EFNA5: variants seen among roughly 807,000 people sequenced by gnomAD.
EFNA5 encodes the protein ephrin-A5.
In EFNA5, 5 loss-of-function variants were observed where a neutral mutation model predicts 22.9. That is an observed-to-expected ratio of 0.22 (90% confidence interval 0.11 to 0.46). EFNA5 has a LOEUF of 0.46. EFNA5 is among the 20% of genes least tolerant of loss of function. The probability of loss-of-function intolerance (pLI) is 0.99; values close to 1 mark genes in which losing one functional copy is unlikely to be tolerated. For missense variants in EFNA5, 237 were observed against 293.3 expected, an observed-to-expected ratio of 0.81 and a Z score of 1.40; for synonymous variants, 113 against 112.2, an observed-to-expected ratio of 1.01 and a Z score of -0.04.
intron 1 of EFNA5, among the ~76,000 whole-genome samples, chr5:107,576,501 G>A (rs184485777): frequency 7.0e-4 from 107 of 152,078 alleles, no homozygotes; most frequent in Non-Finnish European, 4.4e-5. Flanking sequence ...AGAATTACAT[G>A]AAAAAAATCC....
intron 1 of EFNA5, among the ~76,000 whole-genome samples, chr5:107,569,559 T>TTATATTTATATA (rs1554067019): frequency 2.4e-5 from 1 of 42,498 alleles, no homozygotes; most frequent in South Asian, 8.2e-4. Context: ...ATATATATAT[T>TTATATTTATATA]TATATATATA....
chr5:107,547,935 C>T (rs1748202783), intron 1 of EFNA5, among the ~76,000 whole-genome samples: 1 of 152,140 alleles, frequency 6.6e-6, no homozygotes, highest in Admixed American at 6.5e-5. Context: ...AAATAGCATT[C>T]AATTTCAGAG....
chr5:107,427,512 G>A lies in EFNA5; in HGVS notation c.126-3C>T. On this transcript the variant is annotated splice_region_variant and splice_polypyrimidine_tract_variant and intron_variant, in intron 1 of 4. Coordinates refer to ENST00000333274, the MANE Select transcript of EFNA5 (RefSeq NM_001962.3). The stretch of plus-strand genomic sequence containing the variant: ...TATGGTAGTCACCCCTCTGGAATCT[G>A]TTAGAAAAAGAAAAAAAAATGTGAT... 1.3e-6 allele frequency: 2 copies of A among 1,569,340 alleles called. No individual in the cohort carries two copies. The highest frequency in any genetic ancestry group is 8.6e-7 in the Non-Finnish European group (1 of 1,158,960).
chr5:107,475,284 T>C (rs1191247550), intron 1 of EFNA5, among the ~76,000 whole-genome samples: 1 of 152,236 alleles, frequency 6.6e-6, no homozygotes, highest in East Asian at 1.9e-4. Context: ...AACCCCACCC[T>C]TGTGAGATGG....
At chr5:107,649,878 GA>G (rs1750695261) in intron 1 of EFNA5, among the ~76,000 whole-genome samples, 1 of 152,108 alleles carries the variant, frequency 6.6e-6, no homozygotes, top group South Asian at 2.1e-4. Context: ...ATATAAATGA[GA>G]AAGATGAAAC....
At chr5:107,604,113 C>A (rs565172954) in intron 1 of EFNA5, among the ~76,000 whole-genome samples, 5 of 152,130 alleles carry the variant, frequency 3.3e-5, no homozygotes, top group Admixed American at 1.3e-4. Context: ...ATTTAAAAAT[C>A]AGATAATTAT....
intron 1 of EFNA5, among the ~76,000 whole-genome samples, chr5:107,490,899 T>A (rs1267065963): frequency 1.3e-5 from 2 of 152,208 alleles, no homozygotes; most frequent in Admixed American, 1.3e-4. Flanking sequence ...CTTGCAGAGA[T>A]CCTGCTCATT....
intron 1 of EFNA5, among the ~76,000 whole-genome samples, chr5:107,615,746 G>A (rs540165040): frequency 4.6e-5 from 7 of 152,182 alleles, no homozygotes; most frequent in Non-Finnish European, 1.0e-4. Context: ...AGCTCATGAC[G>A]AGAAACCTCA....
At chr5:107,662,763 G>C (rs548208157) in intron 1 of EFNA5, among the ~76,000 whole-genome samples, 7 of 135,470 alleles carry the variant, frequency 5.2e-5, no homozygotes, top group African/African-American at 2.0e-4. Context: ...TTTTGCGGGA[G>C]AAAGATTCCG....
At chr5:107,515,601 C>T (rs1747459301) in intron 1 of EFNA5, among the ~76,000 whole-genome samples, 1 of 152,064 alleles carries the variant, frequency 6.6e-6, no homozygotes, top group Non-Finnish European at 1.5e-5. Flanking sequence ...TGGTCTCGAA[C>T]TCTCAAACTC....
chr5:107,604,069 T>C (rs1749659622), intron 1 of EFNA5, among the ~76,000 whole-genome samples: 1 of 152,230 alleles, frequency 6.6e-6, no homozygotes, highest in African/African-American at 2.4e-5. Flanking sequence ...CTCAAATCTT[T>C]GGGGACGTGA....
chr5:107,582,683 C>T (rs1749097056), intron 1 of EFNA5, among the ~76,000 whole-genome samples: 1 of 149,524 alleles, frequency 6.7e-6, no homozygotes, highest in Non-Finnish European at 1.5e-5. Context: ...CATCAAGCCC[C>T]AAAAGTAAAT....
intron 1 of EFNA5, among the ~76,000 whole-genome samples, chr5:107,587,757 T>C (rs2112499626): frequency 6.6e-6 from 1 of 152,316 alleles, no homozygotes; most frequent in South Asian, 2.1e-4. Context: ...AACCTCGTGA[T>C]CCGCCCGCCT....
At chr5:107,605,585 T>C (rs777062311) in intron 1 of EFNA5, among the ~76,000 whole-genome samples, 18 of 136,858 alleles carry the variant, frequency 1.3e-4, no homozygotes, top group Non-Finnish European at 2.8e-4. Context: ...ACCCCGACAA[T>C]TTCACCTTCA....
At chr5:107,575,920 A>T (rs1748919064) in intron 1 of EFNA5, among the ~76,000 whole-genome samples, 3 of 152,222 alleles carry the variant, frequency 2.0e-5, no homozygotes, top group Admixed American at 1.3e-4. Context: ...AAAAGTTTTC[A>T]TGGAAATCTC....
At chr5:107,534,774 C>T (rs1438410197) in intron 1 of EFNA5, among the ~76,000 whole-genome samples, 1 of 152,122 alleles carries the variant, frequency 6.6e-6, no homozygotes. Context: ...GAAAGCTTAT[C>T]AAAATCTGAC....
intron 1 of EFNA5, among the ~76,000 whole-genome samples, chr5:107,658,800 T>C (rs1037703847): frequency 6.6e-6 from 1 of 152,194 alleles, no homozygotes; most frequent in African/African-American, 2.4e-5. Flanking sequence ...AATTAAAATC[T>C]GCATTTCAAC....
intron 1 of EFNA5, among the ~76,000 whole-genome samples, chr5:107,467,627 G>A (rs1750025736): frequency 6.6e-6 from 1 of 152,218 alleles, no homozygotes; most frequent in Non-Finnish European, 1.5e-5. Context: ...GATAACCAAA[G>A]TGTGAGAAAT....
intron 1 of EFNA5, among the ~76,000 whole-genome samples, chr5:107,630,068 AG>A (rs1189374295): frequency 1.3e-5 from 2 of 151,938 alleles, no homozygotes; most frequent in South Asian, 2.1e-4. Context: ...AAAAAAAAAA[AG>A]AAAAAAAAAT....
Sources: gnomAD v4.1 joint callset for allele counts (sites outside exome capture counted in the v4.1 genomes callset) on GRCh38, gnomAD v4.1.1 for gene constraint, MANE v1.5 for transcripts, NCBI Gene and HGNC (gene_info 2026-07-23, HGNC 2026-07-21) for gene names.